The following KIF18A variants were observed in gnomAD, a reference collection of about 807,000 sequenced individuals.
KIF18A encodes kinesin family member 18A.
Under a neutral mutation model 103.3 loss-of-function variants are expected in KIF18A, and 67 were observed. The observed-to-expected ratio is 0.65, with a 90% CI of 0.53 to 0.79. KIF18A has a LOEUF of 0.79. Ranked by LOEUF, KIF18A falls within the 30% of genes least tolerant of loss-of-function variation. The pLI, the probability that KIF18A is intolerant of heterozygous loss-of-function variation, is 0.00. For synonymous variants in KIF18A, 367 were observed against 355.5 expected (o/e 1.03, Z -0.36); for missense variants, 1,032 against 1,062.5 (o/e 0.97, Z 0.40).
At chr11:28,105,449 G>A (rs979013695) in intron 1 of KIF18A, among the ~76,000 whole-genome samples, 6 of 152,066 alleles carry the variant, frequency 3.9e-5, no homozygotes, top group Admixed American at 2.6e-4. Context: ...TGTATAAAAC[G>A]AAGATGTACA....
At chr11:28,104,831 C>T (rs1008129084) in intron 1 of KIF18A, among the ~76,000 whole-genome samples, 2 of 151,986 alleles carry the variant, frequency 1.3e-5, no homozygotes, top group African/African-American at 4.8e-5. Context: ...AGCATGTTAC[C>T]ATTTGTATTT....
Position 28,062,453 on chromosome 11 carries a change from T to C in KIF18A, c.1654A>G (p.Ile552Val), listed in dbSNP as rs1002369115. Residue 552 changes from isoleucine to valine, a missense_variant, in exon 12 of 17, where the codon ATT becomes GTT. Coordinates refer to ENST00000263181, the MANE Select transcript of KIF18A (RefSeq NM_031217.4). ...HLQNKDLKAQ[I>V]RHMMDLACLQ... is the part of the protein sequence containing the mutation. Reference sequence around the variant, plus strand: ...CAAGCTAGATCCATCATATGTCTAATTTGTGCTTTCAAATCTTTGTTCTGG... The same window carrying C: ...CAAGCTAGATCCATCATATGTCTAACTTGTGCTTTCAAATCTTTGTTCTGG... The C allele has an allele frequency of 1.2e-6, 2 of 1,612,024 alleles. No individual in the cohort carries two copies. Among genetic ancestry groups the C allele is most frequent in the Admixed American group, 3.3e-5 (2 of 59,864 alleles).
At chr11:28,053,722 A>T (rs888411252) in intron 13 of KIF18A, among the ~76,000 whole-genome samples, 1 of 151,630 alleles carries the variant, frequency 6.6e-6, no homozygotes, top group African/African-American at 2.4e-5. Flanking sequence ...GTTCTCCGAG[A>T]TCTACTTTAA....
intron 13 of KIF18A, among the ~76,000 whole-genome samples, chr11:28,041,141 G>A (rs1265896064): frequency 6.6e-6 from 1 of 151,760 alleles, no homozygotes; most frequent in African/African-American, 2.4e-5. Context: ...ACCATGCTAG[G>A]TACAGTGGTA....
intron 11 of KIF18A, 81 bp downstream of exon 11, chr11:28,069,178 C>T (rs1253807958): frequency 4.7e-6 from 5 of 1,063,056 alleles, no homozygotes; most frequent in South Asian, 1.4e-5. Flanking sequence ...TTATGAAAGA[C>T]ATTTACTCAA....
At chr11:28,069,070 T>C (rs748229216) in intron 11 of KIF18A, among the ~76,000 whole-genome samples, 189 bp downstream of exon 11, 3 of 152,174 alleles carry the variant, frequency 2.0e-5, no homozygotes, top group Non-Finnish European at 2.9e-5. Flanking sequence ...GAATTGTTTA[T>C]TTTAACCTAA....
At chr11:28,064,658 T>C (rs1378488717) in intron 11 of KIF18A, among the ~76,000 whole-genome samples, 1 of 152,078 alleles carries the variant, frequency 6.6e-6, no homozygotes, top group East Asian at 1.9e-4. Context: ...CTTTATCTTC[T>C]TGAGTCATTC....
chr11:28,038,191 A>G (rs1850518349), intron 13 of KIF18A, among the ~76,000 whole-genome samples: 1 of 151,660 alleles, frequency 6.6e-6, no homozygotes, highest in Non-Finnish European at 1.5e-5. Flanking sequence ...TCCAAAATTA[A>G]GAAACAAATT....
At chr11:28,043,704 AAAAACC>A (rs915055811) in intron 13 of KIF18A, among the ~76,000 whole-genome samples, 14 of 104,456 alleles carry the variant, frequency 1.3e-4, no homozygotes, top group Admixed American at 2.9e-4. Context: ...AAACAAAAAC[AAAAACC>A]AAATCAAAGC....
chr11:28,094,327 C>A (rs1050466349), intron 3 of KIF18A, among the ~76,000 whole-genome samples: 1 of 152,026 alleles, frequency 6.6e-6, no homozygotes, highest in African/African-American at 2.4e-5. Context: ...TACAAGTCTG[C>A]AACCTAGCTC....
chr11:28,062,323 C>A lies in KIF18A; in HGVS notation c.1712+72G>T, dbSNP rs936047097. ...TAACACATAAAACTCAACTTTCTGG[C>A]AGTGGAAAATTGAACTTCTGTGCTT... On this transcript the variant is annotated intron_variant, in intron 12 of 16. Transcript: ENST00000263181. The A allele has an allele frequency of 5.2e-6, 7 of 1,354,346 alleles. No individual in the cohort carries two copies. The African/African-American group carries it at 5.9e-5, about 11-fold the overall frequency. The allele number at this position is 1,354,346 out of a possible 1,614,324, so 83.9% of individuals were successfully genotyped here. A position where few individuals can be genotyped will look rare whatever the true frequency, so the allele number is the denominator to read the frequency against.
chr11:28,064,989 A>G (rs1850900205), intron 11 of KIF18A, among the ~76,000 whole-genome samples: 2 of 152,062 alleles, frequency 1.3e-5, no homozygotes, highest in South Asian at 4.1e-4. Flanking sequence ...TGCGTTTTAA[A>G]AACTTGCTTT....
intron 13 of KIF18A, among the ~76,000 whole-genome samples, chr11:28,042,663 A>T (rs1850576445): frequency 6.6e-6 from 1 of 151,960 alleles, no homozygotes. Context: ...CACTAGAAAC[A>T]GTACTTGGTT....
At chr11:28,077,431 T>A (rs1448868002) in intron 9 of KIF18A, among the ~76,000 whole-genome samples, 1 of 152,188 alleles carries the variant, frequency 6.6e-6, no homozygotes, top group Admixed American at 6.5e-5. Flanking sequence ...TCATAAGGTG[T>A]CTGGTATTGC....
chr11:28,059,146 T>C lies in KIF18A; in HGVS notation c.1728A>G (p.Leu576=). 2 of 1,611,704 alleles carry C rather than the reference T, an allele frequency of 1.2e-6. No homozygotes were observed. The highest frequency in any genetic ancestry group is 2.2e-5 in the South Asian group (2 of 91,030). The part of the protein sequence containing the change: ...HRQTEAVLNA[L]LPTLRKQYCT... Reference sequence around the variant, plus strand: ...AATATTGTTTTCTTAGGGTTGGAAGTAAAGCATTCAATACTCTATATACAG... The same window carrying C: ...AATATTGTTTTCTTAGGGTTGGAAGCAAAGCATTCAATACTCTATATACAG... Residue 576 remains leucine, a synonymous_variant, in exon 13 of 17, where the codon TTA becomes TTG. Coordinates refer to ENST00000263181, the MANE Select transcript of KIF18A (RefSeq NM_031217.4).
At chr11:28,085,271 T>G (rs957302660) in intron 6 of KIF18A, among the ~76,000 whole-genome samples, 13 of 152,068 alleles carry the variant, frequency 8.5e-5, no homozygotes, top group Non-Finnish European at 1.5e-4. Flanking sequence ...GGAGTCTCCT[T>G]TCCTTGGAGG....
At chr11:28,056,887 C>G (rs1298287171) in intron 13 of KIF18A, 1 of 372,078 alleles carries the variant, frequency 2.7e-6, no homozygotes, top group Non-Finnish European at 5.3e-6. Context: ...ACATTTAGCT[C>G]ACATAAGAAA....
At position 28,104,004 on chromosome 11, in the gene KIF18A, G is replaced by T. The variant is rs565803645; in HGVS notation, c.-47+4060C>A. On this transcript the variant is annotated intron_variant, in intron 1 of 16. Transcript: ENST00000263181. ...TTTATGTAGAACAGCTCATGCCTCT[G>T]CAATGTTTAATGAGGTATTAAAATC... is the stretch of plus-strand genomic sequence containing the variant. Among the ~76,000 whole-genome samples the T allele has an allele frequency of 2.2e-3, 333 of 152,224 alleles. 3 individuals are homozygous for T. The highest frequency in any genetic ancestry group is 7.7e-3 in the African/African-American group (320 of 41,548).
intron 13 of KIF18A, among the ~76,000 whole-genome samples, chr11:28,038,381 C>T (rs1187690167): frequency 6.6e-6 from 1 of 151,598 alleles, no homozygotes. Flanking sequence ...TTCTACTCTA[C>T]CTACTTCATT....
Sources: gnomAD v4.1 joint callset for allele counts (sites outside exome capture counted in the v4.1 genomes callset) on GRCh38, gnomAD v4.1.1 for gene constraint, MANE v1.5 for transcripts, NCBI Gene and HGNC (gene_info 2026-07-23, HGNC 2026-07-21) for gene names.